PTPRD: variants seen among roughly 807,000 people sequenced by gnomAD.
PTPRD encodes receptor-type tyrosine-protein phosphatase delta.
In PTPRD, 34 loss-of-function variants were observed where a neutral mutation model predicts 214.5. That is an observed-to-expected ratio of 0.16 (90% CI 0.12 to 0.21). The LOEUF (loss-of-function observed/expected upper bound fraction) is 0.21. Among genes scored for constraint, PTPRD ranks in the 10% least tolerant of loss-of-function variants. The pLI is 1.00. For synonymous variants in PTPRD, 1,128 were observed against 845.7 expected, an observed-to-expected ratio of 1.33 and a Z score of -5.79; for missense variants, 2,545 against 2,398.7, an observed-to-expected ratio of 1.06 and a Z score of -1.27.
chr9:8,537,614 G>T (rs571491348), intron 14 of PTPRD, among the ~76,000 whole-genome samples: 1 of 152,038 alleles, frequency 6.6e-6, no homozygotes, highest in East Asian at 1.9e-4. Flanking sequence ...TGCCATGCAG[G>T]AATAGAAAAT....
At chr9:9,715,672 G>C (rs570182110) in intron 7 of PTPRD, among the ~76,000 whole-genome samples, 2 of 151,944 alleles carry the variant, frequency 1.3e-5, no homozygotes, top group East Asian at 3.9e-4. Context: ...ATAATACATC[G>C]CAGTATTAAG....
intron 36 of PTPRD, among the ~76,000 whole-genome samples, chr9:8,398,065 T>G (rs1233565940): frequency 6.6e-6 from 1 of 152,338 alleles, no homozygotes; most frequent in East Asian, 1.9e-4. Flanking sequence ...CTTTCTCATT[T>G]GGATATTAGT....
chr9:10,332,910 T>A (rs776277139), intron 3 of PTPRD, among the ~76,000 whole-genome samples: 2 of 151,836 alleles, frequency 1.3e-5, no homozygotes, highest in Non-Finnish European at 2.9e-5. Context: ...GCTCTACTGA[T>A]CACCTTTTAA....
intron 3 of PTPRD, among the ~76,000 whole-genome samples, chr9:10,332,840 C>T (rs1184415607): frequency 6.6e-6 from 1 of 151,702 alleles, no homozygotes; most frequent in African/African-American, 2.4e-5. Flanking sequence ...CGCTTTGTCC[C>T]GAATCTCTAA....
chr9:9,822,109 C>T (rs2050959243), intron 5 of PTPRD, among the ~76,000 whole-genome samples: 1 of 151,276 alleles, frequency 6.6e-6, no homozygotes, highest in Admixed American at 6.6e-5. Flanking sequence ...TGAAAATTGG[C>T]CTTATAAATA....
rs113235462 is a variant in PTPRD, at chr9:9,806,597, G to C, written c.-367-39746C>G. 5.4e-3 allele frequency among the ~76,000 whole-genome samples: 815 copies of C among 152,130 alleles called. 5 individuals carry two copies. The highest frequency in any genetic ancestry group is 0.018 in the African/African-American group (754 of 41,516). On this transcript the variant is annotated intron_variant, in intron 5 of 45. Coordinates refer to ENST00000381196, the MANE Select transcript of PTPRD (RefSeq NM_002839.4). Reference sequence around the variant, plus strand: ...CTATGCCAAACCTGTAAGAACCAATGATAATCCCACCACCCTTTACTGACT... The same window carrying C: ...CTATGCCAAACCTGTAAGAACCAATCATAATCCCACCACCCTTTACTGACT...
chr9:9,463,577 G>A (rs549360230), intron 8 of PTPRD, among the ~76,000 whole-genome samples: 6 of 152,118 alleles, frequency 3.9e-5, no homozygotes, highest in African/African-American at 1.4e-4. Flanking sequence ...TAATTTCTAA[G>A]ACTGAAAAAA....
At chr9:8,750,819 A>C (rs2093446126) in intron 11 of PTPRD, among the ~76,000 whole-genome samples, 1 of 152,160 alleles carries the variant, frequency 6.6e-6, no homozygotes, top group African/African-American at 2.4e-5. Flanking sequence ...ACTGGATTGC[A>C]TCTGAAATGC....
intron 14 of PTPRD, among the ~76,000 whole-genome samples, chr9:8,561,557 C>CG (rs1197064357): frequency 2.0e-5 from 3 of 152,092 alleles, no homozygotes; most frequent in African/African-American, 7.2e-5. Context: ...CGAGACTCAG[C>CG]GGGCTGACTG....
chr9:8,335,197 A>C (rs1203183209), intron 43 of PTPRD, among the ~76,000 whole-genome samples: 1 of 151,692 alleles, frequency 6.6e-6, no homozygotes, highest in African/African-American at 2.4e-5. Context: ...CACAACAAAA[A>C]AGAAAATTCC....
intron 8 of PTPRD, among the ~76,000 whole-genome samples, chr9:9,510,707 A>G (rs2096681822): frequency 6.6e-6 from 1 of 150,698 alleles, no homozygotes; most frequent in Non-Finnish European, 1.5e-5. Flanking sequence ...CTGCCCACCT[A>G]TTTGGGCGGC....
chr9:9,459,939 A>C (rs974620648), intron 8 of PTPRD, among the ~76,000 whole-genome samples: 2 of 152,130 alleles, frequency 1.3e-5, no homozygotes, highest in Non-Finnish European at 2.9e-5. Flanking sequence ...ACCTGACTTC[A>C]AACTATACTT....
chr9:9,449,634 AT>A (rs2091538486), intron 8 of PTPRD, among the ~76,000 whole-genome samples: 1 of 152,014 alleles, frequency 6.6e-6, no homozygotes, highest in Non-Finnish European at 1.5e-5. Context: ...AAGCAGGGGG[AT>A]TCCACATTTG....
rs911430960 is a variant in PTPRD, at chr9:8,824,115, C to T, written c.-103-90169G>A. On this transcript the variant is annotated intron_variant, in intron 11 of 45. Transcript: ENST00000381196. ...GTTTTGGCTGGCTCCTTTACTGTTA[C>T]CTTTTATTAGCAAGGTTTTCATGGC... is the stretch of plus-strand genomic sequence containing the variant. Among the ~76,000 whole-genome samples, 6 of 152,150 alleles carry T rather than the reference C, an allele frequency of 3.9e-5. 1 individual carries two copies. Among genetic ancestry groups the T allele is most frequent in the African/African-American group, 7.2e-5 (3 of 41,440 alleles).
chr9:9,983,868 C>G (rs1810933169), intron 4 of PTPRD, among the ~76,000 whole-genome samples: 1 of 152,250 alleles, frequency 6.6e-6, no homozygotes, highest in South Asian at 2.1e-4. Context: ...ACACAGGTAG[C>G]AGTTCACCGA....
At chr9:10,050,259 C>A (rs2154152778) in intron 3 of PTPRD, among the ~76,000 whole-genome samples, 1 of 151,480 alleles carries the variant, frequency 6.6e-6, no homozygotes, top group South Asian at 2.1e-4. Context: ...GATGCAATGA[C>A]CTTAAAGAAA....
At chr9:10,425,359 A>G (rs1315473465) in intron 2 of PTPRD, among the ~76,000 whole-genome samples, 7 of 151,976 alleles carry the variant, frequency 4.6e-5, no homozygotes, top group African/African-American at 1.4e-4. Flanking sequence ...TCTATTACCT[A>G]TCATAGTCAC....
At chr9:9,480,907 T>C (rs2095382403) in intron 8 of PTPRD, among the ~76,000 whole-genome samples, 1 of 152,152 alleles carries the variant, frequency 6.6e-6, no homozygotes, top group Non-Finnish European at 1.5e-5. Context: ...AATCATGCTG[T>C]CTACAGGCTT....
chr9:9,145,958 C>T (rs1158194435), intron 10 of PTPRD, among the ~76,000 whole-genome samples: 8 of 152,192 alleles, frequency 5.3e-5, no homozygotes, highest in Admixed American at 5.2e-4. Context: ...CTGAAGATGT[C>T]CTTCATGAAG....
Sources: gnomAD v4.1 joint callset for allele counts (sites outside exome capture counted in the v4.1 genomes callset) on GRCh38, gnomAD v4.1.1 for gene constraint, MANE v1.5 for transcripts, NCBI Gene and HGNC (gene_info 2026-07-23, HGNC 2026-07-21) for gene names.